The following GRID2 variants were observed in gnomAD, a reference collection of about 807,000 sequenced individuals.
GRID2 encodes glutamate receptor ionotropic, delta-2.
In GRID2, 33 loss-of-function variants were observed where a neutral mutation model predicts 114.8. The ratio of observed to expected loss-of-function variants is 0.29; its 90% CI spans 0.22 to 0.38. GRID2 has a LOEUF of 0.38. Ranked by LOEUF, GRID2 falls within the 10% of genes least tolerant of loss-of-function variation. The probability of loss-of-function intolerance (pLI) is 1.00; values close to 1 mark genes in which losing one functional copy is unlikely to be tolerated. For synonymous variants in GRID2, 505 were observed against 449.9 expected (o/e 1.12, Z -1.55); for missense variants, 1,184 against 1,257.7 (o/e 0.94, Z 0.89).
At chr4:93,375,857 G>T (rs1763328090) in intron 8 of GRID2, among the ~76,000 whole-genome samples, 1 of 152,172 alleles carries the variant, frequency 6.6e-6, no homozygotes, top group Non-Finnish European at 1.5e-5. Context: ...ATATTAGTTT[G>T]TAGAGGCTAC....
intron 14 of GRID2, among the ~76,000 whole-genome samples, chr4:93,696,824 G>A (rs947288582): frequency 2.0e-5 from 3 of 151,976 alleles, no homozygotes; most frequent in African/African-American, 7.3e-5. Flanking sequence ...CCCAAATTTT[G>A]GCTTGTAATA....
chr4:93,160,452 T>G (rs1284512165), intron 4 of GRID2, among the ~76,000 whole-genome samples: 1 of 151,856 alleles, frequency 6.6e-6, no homozygotes, highest in Non-Finnish European at 1.5e-5. Context: ...AGTCTTACCT[T>G]ATTAGCCCAA....
chr4:93,802,505 A>G (rs1236401014), intron 1 of GRID2, among the ~76,000 whole-genome samples: 1 of 152,118 alleles, frequency 6.6e-6, no homozygotes, highest in Non-Finnish European at 1.5e-5. Context: ...AAAAAAGAAA[A>G]CATTTTACAA....
In GRID2 at chr4:93,221,356, C is replaced by G. The variant is rs140969691; in HGVS notation, c.964-3258C>G. Among the ~76,000 whole-genome samples, 34 of 152,142 alleles carry G rather than the reference C, an allele frequency of 2.2e-4. No homozygotes were observed. In the East Asian group the frequency reaches 4.7e-3, roughly 21 times the overall value. On this transcript the variant is annotated intron_variant, in intron 6 of 15. Coordinates refer to ENST00000282020, the MANE Select transcript of GRID2 (RefSeq NM_001510.4). ...TCTCAAAGCAAGCCACAGATGGTGT[C>G]AAATATTGAAAGCTTGTCATGTAGA...
intron 14 of GRID2, among the ~76,000 whole-genome samples, chr4:93,741,995 C>G (rs1288073848): frequency 6.6e-6 from 1 of 150,580 alleles, no homozygotes. Context: ...ACACATTGAA[C>G]CACTAACTAT....
At chr4:93,520,016 A>G (rs1336365585) in intron 13 of GRID2, among the ~76,000 whole-genome samples, 1 of 152,142 alleles carries the variant, frequency 6.6e-6, no homozygotes, top group Non-Finnish European at 1.5e-5. Context: ...AAGATTAGTC[A>G]TAACAATATG....
At chr4:92,437,671 A>G (rs2110352241) in intron 1 of GRID2, among the ~76,000 whole-genome samples, 1 of 152,312 alleles carries the variant, frequency 6.6e-6, no homozygotes, top group South Asian at 2.1e-4. Context: ...GTTTAACCTC[A>G]AAGGTTTCAC....
In GRID2 at chr4:93,455,667, C is replaced by T. The variant is rs560303075; in HGVS notation, c.1551C>T (p.Ala517=). The change falls in exon 11 of 16, where the codon GCC becomes GCT. Residue 517 remains alanine (A), a synonymous_variant. Coordinates refer to ENST00000282020, the MANE Select transcript of GRID2 (RefSeq NM_001510.4). ...GLVGELVFKR[A]DIGISALTIT... is the part of the protein sequence containing the mutation. ...TTTCTCTTTCAATTTCTCAGAGAGC[C>T]GACATAGGGATTTCTGCTTTAACCA... 33 of 1,604,724 alleles carry T rather than the reference C, an allele frequency of 2.1e-5. No individual in the cohort carries two copies. The highest frequency in any genetic ancestry group is 4.0e-5 in the African/African-American group (3 of 74,778).
At chr4:93,181,052 G>C (rs1209129643) in intron 4 of GRID2, among the ~76,000 whole-genome samples, 1 of 152,126 alleles carries the variant, frequency 6.6e-6, no homozygotes, top group Admixed American at 6.6e-5. Context: ...AAATATATCA[G>C]AAGAATCACC....
chr4:93,784,527 C>T (rs1734552983), intron 1 of GRID2, among the ~76,000 whole-genome samples: 1 of 151,850 alleles, frequency 6.6e-6, no homozygotes, highest in South Asian at 2.1e-4. Context: ...AAGTAGGAGC[C>T]AGAGAATAAG....
At chr4:92,901,423 C>T (rs1036466453) in intron 2 of GRID2, among the ~76,000 whole-genome samples, 3 of 152,022 alleles carry the variant, frequency 2.0e-5, no homozygotes, top group African/African-American at 7.2e-5. Flanking sequence ...AAGATATGTT[C>T]ACCCAATCTG....
chr4:93,374,138 T>G (rs1051197686), intron 8 of GRID2, among the ~76,000 whole-genome samples: 2 of 152,170 alleles, frequency 1.3e-5, no homozygotes, highest in African/African-American at 2.4e-5. Context: ...TGTTGTCATG[T>G]AGATGAAGAA....
chr4:92,779,397 G>C (rs550431751), intron 2 of GRID2, among the ~76,000 whole-genome samples: 1 of 152,096 alleles, frequency 6.6e-6, no homozygotes. Context: ...ATGAATCTTA[G>C]ATTTTCTCAT....
At chr4:93,754,205 C>A (rs1334613815) in intron 14 of GRID2, among the ~76,000 whole-genome samples, 5 of 152,116 alleles carry the variant, frequency 3.3e-5, no homozygotes, top group Non-Finnish European at 5.9e-5. Context: ...CTGTCAGTGA[C>A]CAAAATGTCA....
intron 1 of GRID2, among the ~76,000 whole-genome samples, chr4:92,394,729 G>A (rs929530889): frequency 2.6e-5 from 4 of 151,776 alleles, no homozygotes; most frequent in Non-Finnish European, 2.9e-5. Context: ...ATAATTATAT[G>A]TGCTGTCAGT....
intron 13 of GRID2, among the ~76,000 whole-genome samples, chr4:93,604,331 A>G (rs1199935953): frequency 6.6e-6 from 1 of 152,218 alleles, no homozygotes; most frequent in Non-Finnish European, 1.5e-5. Context: ...GTAATTAGAC[A>G]TAACTGTAAT....
At chr4:92,387,219 G>C (rs1730005770) in intron 1 of GRID2, among the ~76,000 whole-genome samples, 2 of 151,552 alleles carry the variant, frequency 1.3e-5, no homozygotes, top group Admixed American at 1.3e-4. Context: ...TAGAAACACA[G>C]AAAAGGCAGA....
chr4:93,388,393 T>G (rs1465367142), intron 8 of GRID2, among the ~76,000 whole-genome samples: 1 of 152,128 alleles, frequency 6.6e-6, no homozygotes. Flanking sequence ...TGGCATGGGG[T>G]GTGGCTTTGG....
intron 2 of GRID2, among the ~76,000 whole-genome samples, chr4:92,888,184 T>C (rs1193976265): frequency 6.6e-6 from 1 of 152,174 alleles, no homozygotes; most frequent in East Asian, 1.9e-4. Context: ...CTCAAACGAT[T>C]ATATTGTATC....
Sources: allele counts gnomAD v4.1 joint callset (sites outside exome capture counted in the v4.1 genomes callset), GRCh38; gene constraint gnomAD v4.1.1; transcripts MANE v1.5; gene names NCBI Gene and HGNC (gene_info 2026-07-23, HGNC 2026-07-21).